The following KDR variants were observed in gnomAD, a reference collection of about 807,000 sequenced individuals.
KDR encodes vascular endothelial growth factor receptor 2.
A neutral mutation model predicts 160.9 loss-of-function variants in KDR; 43 were observed. That is an observed-to-expected ratio of 0.27 (90% CI 0.21 to 0.34). The LOEUF is 0.34. Ranked by LOEUF, KDR falls within the 10% of genes least tolerant of loss-of-function variation. The pLI is 1.00. For synonymous variants in KDR, 617 were observed against 600.1 expected, an observed-to-expected ratio of 1.03 and a Z score of -0.41; for missense variants, 1,469 against 1,666.4, an observed-to-expected ratio of 0.88 and a Z score of 2.06.
intron 1 of KDR, among the ~76,000 whole-genome samples, chr4:55,124,483 G>T (rs1267886782): frequency 6.6e-6 from 1 of 152,126 alleles, no homozygotes; most frequent in Non-Finnish European, 1.5e-5. Context: ...TTCGGAGCTT[G>T]AACTTCTGAC....
At chr4:55,090,833 A>G (rs1342296369) in intron 22 of KDR, among the ~76,000 whole-genome samples, 1 of 150,016 alleles carries the variant, frequency 6.7e-6, no homozygotes, top group Non-Finnish European at 1.5e-5. Context: ...AAATGAATCA[A>G]TGGCTTAGAA....
intron 1 of KDR, among the ~76,000 whole-genome samples, chr4:55,123,932 T>C (rs1027005251): frequency 5.9e-5 from 9 of 152,230 alleles, no homozygotes; most frequent in Non-Finnish European, 7.3e-5. Flanking sequence ...CCGTTACTAC[T>C]ACGCTAGGAA....
In KDR at chr4:55,114,897, A is replaced by C. The variant is rs576918743; in HGVS notation, c.635T>G (p.Ile212Ser). The C allele has an allele frequency of 6.2e-7, 1 of 1,613,626 alleles. No individual in the cohort carries two copies. Among genetic ancestry groups the C allele is most frequent in the Admixed American group, 1.7e-5 (1 of 59,982 alleles). Residue 212 changes from isoleucine to serine, a missense_variant, in exon 5 of 30, where the codon ATT (isoleucine) becomes AGT (serine). By Grantham distance (142) the Ile-to-Ser change is moderately radical. This residue lies in a region of KDR where 792 missense variants were observed against 840.9 expected (regional missense o/e 0.94). Coordinates refer to ENST00000263923, the MANE Select transcript of KDR (RefSeq NM_002253.4). ...ACCTACAACGACAACTATGTACATA[A>C]TAGACTGGTAACTTTCATCATTAAT... ...AKINDESYQS[I>S]MYIVVVVGYR...
In KDR at chr4:55,098,780, C is replaced by T. The variant is rs2110018226; in HGVS notation, c.2290G>A (p.Glu764Lys). 6.2e-7 allele frequency: 1 copy of T among 1,612,980 alleles called. No individual in the cohort carries two copies. The highest frequency in any genetic ancestry group is 8.5e-7 in the Non-Finnish European group (1 of 1,179,216). Residue 764 changes from glutamate (E) to lysine (K), a missense_variant, in exon 16 of 30, where the codon GAA becomes AAA. Glu to Lys is a moderately conservative substitution (Grantham distance 56). Transcript: ENST00000263923. ...GCCGTGCCTACTAGAATAATGATTTCCAAGTTCGTCTTTTCCTGGGCACCT... is the reference window on the plus strand; with the variant it reads ...GCCGTGCCTACTAGAATAATGATTTTCAAGTTCGTCTTTTCCTGGGCACCT... Reference protein sequence around the residue: ...IEGAQEKTNLEIIILVGTAVI... With the variant: ...IEGAQEKTNLKIIILVGTAVI...
chr4:55,106,934 A>G, intron 10 of KDR, 124 bp from the exon 11 acceptor site: 1 of 845,174 alleles, frequency 1.2e-6, no homozygotes, highest in Non-Finnish European at 2.0e-6. Context: ...GCAGCCTACC[A>G]TGGTACAAGA....
chr4:55,120,312 T>C (rs1720838383), intron 2 of KDR, among the ~76,000 whole-genome samples: 1 of 152,202 alleles, frequency 6.6e-6, no homozygotes, highest in Admixed American at 6.5e-5. Flanking sequence ...TCACAGTCTC[T>C]ACCAAAAACA....
Position 55,101,914 on chromosome 4 carries a change from G to A in KDR, c.2249C>T (p.Ala750Val), listed in dbSNP as rs2110020478. 6.2e-7 allele frequency: 1 copy of A among 1,613,142 alleles called. No individual in the cohort carries two copies. The highest frequency in any genetic ancestry group is 1.1e-5 in the South Asian group (1 of 91,054). Reference protein sequence around the residue: ...CSVLGCAKVEAFFIIEGAQEK... With the variant: ...CSVLGCAKVEVFFIIEGAQEK... Reference sequence around the variant, plus strand: ...CCACTGACCTTCTATTATGAAAAATGCCTCCACTTTTGCACAGCCAAGAAC... The same window carrying A: ...CCACTGACCTTCTATTATGAAAAATACCTCCACTTTTGCACAGCCAAGAAC... The change falls in exon 15 of 30, where the codon GCA becomes GTA. Residue 750 changes from alanine to valine, a missense_variant. By Grantham distance (64) the Ala-to-Val change is moderately conservative. Coordinates refer to ENST00000263923, the MANE Select transcript of KDR (RefSeq NM_002253.4).
chr4:55,099,480 G>A (rs1720255513), intron 15 of KDR, among the ~76,000 whole-genome samples: 1 of 152,062 alleles, frequency 6.6e-6, no homozygotes, highest in South Asian at 2.1e-4. Flanking sequence ...AAAGAAAACA[G>A]ATCATTCTCT....
rs371966849 is a variant in KDR at position 55,102,492 on chromosome 4, C to A, written c.2004G>T (p.Thr668=). 2 of 1,613,656 alleles carry A rather than the reference C, an allele frequency of 1.2e-6. No homozygotes were observed. Among genetic ancestry groups the A allele is most frequent in the African/African-American group, 1.3e-5 (1 of 74,982 alleles). ...TCTGATTCTCCAGGTTTCCTGTGAT[C>A]GTGGGTGCCACACGCTCTAGACACA... ...QLTVLERVAP[T]ITGNLENQTT... The change falls in exon 14 of 30, where the codon ACG becomes ACT. Residue 668 remains threonine, a synonymous_variant. Coordinates refer to ENST00000263923, the MANE Select transcript of KDR (RefSeq NM_002253.4).
intron 7 of KDR, among the ~76,000 whole-genome samples, chr4:55,111,471 T>C (rs1190087051): frequency 6.6e-6 from 1 of 152,166 alleles, no homozygotes; most frequent in African/African-American, 2.4e-5. Context: ...GCGGACCCTG[T>C]TGACTCTACC....
Position 55,121,119 on chromosome 4 carries a change from T to C in KDR, c.139A>G (p.Thr47Ala), listed in dbSNP as rs1255432071. Residue 47 changes from threonine to alanine, a missense_variant, in exon 2 of 30, where the codon ACA becomes GCA. Around this residue, in one of 7 missense-constraint regions of KDR, gnomAD observed 792 missense variants for 840.9 expected, o/e 0.94. Transcript: ENST00000263923. Reference sequence around the variant, plus strand: ...TACCTGCAAGTAATTTGAAGAGTTGTATTAGCCTTAATTGTAAGTATGTCT... The same window carrying C: ...TACCTGCAAGTAATTTGAAGAGTTGCATTAGCCTTAATTGTAAGTATGTCT... ...QKDILTIKAN[T>A]TLQITCRGQR... 3 of 1,612,674 alleles carry C rather than the reference T, an allele frequency of 1.9e-6. No individual in the cohort carries two copies. Among genetic ancestry groups the C allele is most frequent in the South Asian group, 2.2e-5 (2 of 91,030 alleles).
At chr4:55,095,079 A>G in intron 20 of KDR, 124 bp from the exon 21 acceptor site, 1 of 961,252 alleles carries the variant, frequency 1.0e-6, no homozygotes, top group Non-Finnish European at 1.6e-6. Flanking sequence ...GACAAGGAGG[A>G]CATCAATTTC....
chr4:55,107,580 T>C (rs1318233701), intron 10 of KDR, among the ~76,000 whole-genome samples, 157 bp downstream of exon 10: 1 of 152,134 alleles, frequency 6.6e-6, no homozygotes, highest in Non-Finnish European at 1.5e-5. Context: ...TCCCCTAAAA[T>C]GTAAGACACA....
intron 25 of KDR, 61 bp downstream of exon 25, chr4:55,089,313 C>A (rs1719946722): frequency 8.1e-7 from 1 of 1,240,434 alleles, no homozygotes; most frequent in African/African-American, 1.5e-5. Context: ...GGAAAGTCTT[C>A]CAGGCAAGGA....
rs1221186420 is a variant in KDR at position 55,113,492 on chromosome 4, G to T, written c.799-11C>A. ...TTTCTTATGCTGATGCTGAAAAAAA[G>T]AGTTGACTGAACTTCCAAAGCACAG... On this transcript the variant is annotated splice_polypyrimidine_tract_variant and intron_variant, in intron 6 of 29. Transcript: ENST00000263923. The T allele has an allele frequency of 1.2e-6, 2 of 1,613,368 alleles. No individual in the cohort carries two copies. Among genetic ancestry groups the T allele is most frequent in the Non-Finnish European group, 1.7e-6 (2 of 1,179,366 alleles).
chr4:55,120,783 G>A (rs181315386), intron 2 of KDR, among the ~76,000 whole-genome samples: 9 of 152,078 alleles, frequency 5.9e-5, no homozygotes, highest in East Asian at 3.9e-4. Flanking sequence ...TTTATTGAGC[G>A]TATGTCTACT....
At chr4:55,105,982 G>T in intron 11 of KDR, 42 bp from the exon 12 acceptor site, 1 of 1,240,568 alleles carries the variant, frequency 8.1e-7, no homozygotes, top group Non-Finnish European at 1.2e-6. Flanking sequence ...AAACAACGCG[G>T]CTGTTTGTGC....
chr4:55,110,877 A>C (rs1720564896), intron 7 of KDR, 109 bp from the exon 8 acceptor site: 2 of 848,616 alleles, frequency 2.4e-6, no homozygotes, highest in South Asian at 1.6e-5. Context: ...GAGTAGCTGC[A>C]GTTCCAAGAT....
At chr4:55,110,307 G>T in intron 9 of KDR, 96 bp downstream of exon 9, 1 of 1,286,778 alleles carries the variant, frequency 7.8e-7, no homozygotes, top group Non-Finnish European at 1.1e-6. Context: ...TGATATGAGT[G>T]AAGCAGCAGG....
Sources: allele counts gnomAD v4.1 joint callset (sites outside exome capture counted in the v4.1 genomes callset), GRCh38; gene constraint gnomAD v4.1.1; regional missense constraint gnomAD v4.1.1; transcripts MANE v1.5; gene names NCBI Gene and HGNC (gene_info 2026-07-23, HGNC 2026-07-21).